Variants in MRC2 observed in about 807,000 individuals in gnomAD.
MRC2 encodes the protein C-type mannose receptor 2.
In MRC2, 84 loss-of-function variants were observed where a neutral mutation model predicts 206.2. That is an observed-to-expected ratio of 0.41 (90% CI 0.34 to 0.49). The LOEUF (loss-of-function observed/expected upper bound fraction) is 0.49, where lower values mean the gene tolerates loss of function less well. Ranked by LOEUF, MRC2 falls within the 20% of genes least tolerant of loss-of-function variation. The probability of loss-of-function intolerance (pLI) is 0.31; values close to 1 mark genes in which losing one functional copy is unlikely to be tolerated. For synonymous variants in MRC2, 798 were observed against 800.0 expected, an observed-to-expected ratio of 1.00 and a Z score of 0.04; for missense variants, 1,676 against 2,001.5, an observed-to-expected ratio of 0.84 and a Z score of 3.10.
At chr17:62,677,014 G>A (rs1001965004) in intron 11 of MRC2, among the ~76,000 whole-genome samples, 16 of 152,242 alleles carry the variant, frequency 1.1e-4, no homozygotes, top group African/African-American at 3.9e-4. Flanking sequence ...TCAATAACCT[G>A]ATGAGGTAGA....
intron 1 of MRC2, among the ~76,000 whole-genome samples, chr17:62,663,716 G>A (rs905064298): frequency 4.6e-5 from 7 of 152,154 alleles, no homozygotes; most frequent in Admixed American, 3.3e-4. Flanking sequence ...ATAGTTCAGG[G>A]GTGGGATGAG....
At chr17:62,632,201 C>CG (rs1469023413) in intron 1 of MRC2, among the ~76,000 whole-genome samples, 1 of 152,058 alleles carries the variant, frequency 6.6e-6, no homozygotes, top group Admixed American at 6.6e-5. Context: ...CCTGTGACAC[C>CG]GGGGTCTGCC....
At position 62,685,902 on chromosome 17, in the gene MRC2, C is replaced by G. The variant is rs755808763; in HGVS notation, c.2947-2387C>G. 3.9e-4 allele frequency among the ~76,000 whole-genome samples: 60 copies of G among 152,200 alleles called. 2 individuals carry two copies. The highest frequency in any genetic ancestry group is 1.4e-3 in the Admixed American group (21 of 15,276). On this transcript the variant is annotated intron_variant, in intron 20 of 29. Transcript: ENST00000303375. Reference sequence around the variant, plus strand: ...TCCTTCACTGCCTGCCCTCACACATCTTGCTTTACTAGTTCTGTGCCCTTC... The same window carrying G: ...TCCTTCACTGCCTGCCCTCACACATGTTGCTTTACTAGTTCTGTGCCCTTC...
In MRC2 at chr17:62,688,890, C is replaced by G; in HGVS notation, c.3264C>G (p.His1088Gln). The G allele has an allele frequency of 2.5e-6, 4 of 1,613,586 alleles. No individual in the cohort carries two copies. The highest frequency in any genetic ancestry group is 3.4e-6 in the Non-Finnish European group (4 of 1,180,008). ...CAVVLHSPSA[H>Q]FTGRWDDRSC... is the part of the protein sequence containing the mutation. ...TGGTCCTGCACAGCCCCTCAGCCCACTTCACTGGCCGCTGGGACGATCGGA... is the reference window on the plus strand; with the variant it reads ...TGGTCCTGCACAGCCCCTCAGCCCAGTTCACTGGCCGCTGGGACGATCGGA... Residue 1088 changes from histidine to glutamine, a missense_variant, in exon 23 of 30, where the codon CAC (histidine) becomes CAG (glutamine). Physicochemically the swap from His to Gln is conservative, Grantham distance 24. This residue lies in a region of MRC2 where 1,354 missense variants were observed against 1,636.6 expected (regional missense o/e 0.83). Transcript: ENST00000303375.
At position 62,667,599 on chromosome 17, in the gene MRC2, C is replaced by G. The variant is rs1038557552; in HGVS notation, c.1117+66C>G. Reference sequence around the variant, plus strand: ...AGGGCCAGGGACACAGCCACAGAGCCGTGGCAGGCCCAGCCTCTCCTCCGG... The same window carrying G: ...AGGGCCAGGGACACAGCCACAGAGCGGTGGCAGGCCCAGCCTCTCCTCCGG... On this transcript the variant is annotated intron_variant, in intron 6 of 29. Transcript: ENST00000303375. This position sits in a 1 kb window ranked among gnomAD's most constrained non-coding sequence, Gnocchi z 4.1. The G allele has an allele frequency of 6.6e-7, 1 of 1,514,350 alleles. No homozygotes were observed. The allele number at this position is 1,514,350 out of a possible 1,614,324, so 93.8% of individuals were successfully genotyped here.
At chr17:62,636,561 C>G (rs1014892522) in intron 1 of MRC2, among the ~76,000 whole-genome samples, 3 of 150,282 alleles carry the variant, frequency 2.0e-5, no homozygotes, top group Non-Finnish European at 4.4e-5. Context: ...CTCCACCTCC[C>G]AGGTTCACGC....
Position 62,666,243 on chromosome 17 carries a change from C to G in MRC2, c.670C>G (p.Arg224Gly), listed in dbSNP as rs541473425. The change falls in exon 3 of 30, where the codon CGC (arginine) becomes GGC (glycine). Residue 224 changes from arginine (R) to glycine (G), a missense_variant. Arg to Gly is a moderately radical substitution (Grantham distance 125). This residue lies in a region of MRC2 where 318 missense variants were observed against 346.7 expected (regional missense o/e 0.92). Coordinates refer to ENST00000303375, the MANE Select transcript of MRC2 (RefSeq NM_006039.5). The surrounding 1 kb of genome is among the most constrained non-coding windows in gnomAD (Gnocchi z 5.0). ...CACCCAGGACTACGGCAAAGACGAG[C>G]GCTGGGGCTTCTGCCCCATCAAGAG... ...ATTQDYGKDE[R>G]WGFCPIKSND... The G allele has an allele frequency of 1.9e-6, 3 of 1,589,648 alleles. No individual in the cohort carries two copies. Among genetic ancestry groups the G allele is most frequent in the African/African-American group, 2.7e-5 (2 of 74,498 alleles).
At chr17:62,686,592 G>A (rs2089035692) in intron 20 of MRC2, among the ~76,000 whole-genome samples, 1 of 152,196 alleles carries the variant, frequency 6.6e-6, no homozygotes, top group Non-Finnish European at 1.5e-5. Flanking sequence ...TGGTTTGTGG[G>A]ACAGCCTCTT....
At chr17:62,669,655 C>G (rs1025727935) in intron 6 of MRC2, among the ~76,000 whole-genome samples, 1 of 151,854 alleles carries the variant, frequency 6.6e-6, no homozygotes, top group Non-Finnish European at 1.5e-5. Flanking sequence ...CAGGTTCAAG[C>G]GATTCTCATG....
At position 62,690,015 on chromosome 17, in the gene MRC2, C is replaced by A. The variant is rs1198423220; in HGVS notation, c.3695C>A (p.Thr1232Asn). The A allele has an allele frequency of 1.9e-6, 3 of 1,610,902 alleles. No individual in the cohort carries two copies. Among genetic ancestry groups the A allele is most frequent in the Non-Finnish European group, 2.5e-6 (3 of 1,178,840 alleles). The change falls in exon 25 of 30, where the codon ACC becomes AAC. Residue 1232 changes from threonine to asparagine, a missense_variant. Physicochemically the swap from Thr to Asn is moderately conservative, Grantham distance 65 (BLOSUM62 0). Around this residue, in one of 3 missense-constraint regions of MRC2, gnomAD observed 1,354 missense variants for 1,636.6 expected, o/e 0.83. Transcript: ENST00000303375. ...GATGTGGACGGGGCCTGGCGCACCA[C>A]CAGCTGTGACACCAAGCTGCAGGGG... is the stretch of plus-strand genomic sequence containing the variant. ...YVDVDGAWRT[T>N]SCDTKLQGAV...
At chr17:62,654,582 C>T (rs1471016725) in intron 1 of MRC2, among the ~76,000 whole-genome samples, 1 of 152,090 alleles carries the variant, frequency 6.6e-6, no homozygotes, top group East Asian at 1.9e-4. Flanking sequence ...TCCGGGGAAA[C>T]TGCAGCAACA....
Position 62,675,766 on chromosome 17 carries a change from C to T in MRC2, c.1570-24C>T, listed in dbSNP as rs768803382. The T allele has an allele frequency of 2.5e-6, 4 of 1,584,264 alleles. No individual in the cohort carries two copies. Among genetic ancestry groups the T allele is most frequent in the Admixed American group, 1.7e-5 (1 of 59,970 alleles). On this transcript the variant is annotated intron_variant, in intron 9 of 29. Coordinates refer to ENST00000303375, the MANE Select transcript of MRC2 (RefSeq NM_006039.5). The surrounding 1 kb of genome is among the most constrained non-coding windows in gnomAD (Gnocchi z 4.1). ...AGAGTCATCTTCCCTACAGACACCC[C>T]TCTTCTGTCCACTCTTGAGCCAGGG...
At chr17:62,645,207 G>A (rs539951958) in intron 1 of MRC2, among the ~76,000 whole-genome samples, 1 of 151,744 alleles carries the variant, frequency 6.6e-6, no homozygotes, top group Non-Finnish European at 1.5e-5. Context: ...ATTTACTAAC[G>A]GTAAATTTAC....
rs1461599057 is a variant in MRC2 at position 62,692,552 on chromosome 17, A to G, written c.*101A>G. The G allele has an allele frequency of 7.1e-5, 88 of 1,247,840 alleles. No individual in the cohort carries two copies. Among genetic ancestry groups the G allele is most frequent in the Non-Finnish European group, 9.6e-5 (87 of 902,566 alleles). 77.3% of individuals were successfully genotyped at this position (1,247,840 alleles called of 1,614,324 possible). A position where few individuals can be genotyped will look rare whatever the true frequency, so the allele number is the denominator to read the frequency against. The stretch of plus-strand genomic sequence containing the variant: ...GCTGCCTGTCCAGTTGGCCTATGGA[A>G]GGGTGCCCTTGGGAGTCGCTGTTGG... On this transcript the variant is annotated 3_prime_UTR_variant, in exon 30 of 30. Coordinates refer to ENST00000303375, the MANE Select transcript of MRC2 (RefSeq NM_006039.5). The surrounding 1 kb of genome is among the most constrained non-coding windows in gnomAD (Gnocchi z 4.2).
chr17:62,678,004 C>T (rs547905902), intron 12 of MRC2, among the ~76,000 whole-genome samples: 28 of 152,278 alleles, frequency 1.8e-4, no homozygotes, highest in African/African-American at 6.5e-4. Context: ...GAGCCGAGAT[C>T]GTGCCACTGC....
At position 62,688,312 on chromosome 17, in the gene MRC2, A is replaced by G; in HGVS notation, c.2970A>G (p.Glu990=). ...AGTGTTTTCAGGTCCAGGGCCAGGAACCCCAGAGCCGGGTGAAGTGGTCAG... is the reference window on the plus strand; with the variant it reads ...AGTGTTTTCAGGTCCAGGGCCAGGAGCCCCAGAGCCGGGTGAAGTGGTCAG... ...LNKCFQVQGQ[E]PQSRVKWSEA... The change falls in exon 21 of 30, where the codon GAA becomes GAG. Residue 990 remains glutamate, a synonymous_variant. Transcript: ENST00000303375. 6.2e-7 allele frequency: 1 copy of G among 1,614,078 alleles called. No individual in the cohort carries two copies.
intron 1 of MRC2, among the ~76,000 whole-genome samples, chr17:62,639,311 T>C (rs1197075943): frequency 1.3e-5 from 2 of 151,674 alleles, no homozygotes; most frequent in Non-Finnish European, 2.9e-5. Flanking sequence ...GCCACTGCAC[T>C]CCAGCCTAGG....
intron 22 of MRC2, 55 bp from the exon 23 acceptor site, chr17:62,688,797 C>T: frequency 6.3e-7 from 1 of 1,583,504 alleles, no homozygotes. Context: ...CTTCTGGGGA[C>T]AGTAGCACAG....
chr17:62,640,034 T>TA lies in MRC2; in HGVS notation c.118+12114_118+12115insA, dbSNP rs1490507695. On this transcript the variant is annotated intron_variant, in intron 1 of 29. Transcript: ENST00000303375. The stretch of plus-strand genomic sequence containing the variant: ...ATGCCCAGCTTTTTTTTTTTTTTTT[T>TA]TTTTTTTGTATTTTTAGTAGAGACG... 1.2e-3 allele frequency among the ~76,000 whole-genome samples: 118 copies of TA among 99,554 alleles called. 1 individual carries two copies. Among genetic ancestry groups the TA allele is most frequent in the African/African-American group, 4.3e-3 (115 of 26,982 alleles). 65.3% of individuals were successfully genotyped at this position (99,554 alleles called of 152,430 possible).
Sources: allele counts gnomAD v4.1 joint callset (sites outside exome capture counted in the v4.1 genomes callset), GRCh38; gene constraint gnomAD v4.1.1; regional missense constraint gnomAD v4.1.1; non-coding constraint Gnocchi (gnomAD v3.1); transcripts MANE v1.5; gene names NCBI Gene and HGNC (gene_info 2026-07-23, HGNC 2026-07-21).